The following WDR26 variants were observed in gnomAD, a reference collection of about 807,000 sequenced individuals.
The protein encoded by WDR26 is WD repeat-containing protein 26.
WDR26 carries 5 observed loss-of-function variants against 84.1 expected under a neutral mutation model. That is an observed-to-expected ratio of 0.06 (90% CI 0.03 to 0.13). The LOEUF (loss-of-function observed/expected upper bound fraction) is 0.13, where lower values mean the gene tolerates loss of function less well. Among genes scored for constraint, WDR26 ranks in the 10% least tolerant of loss-of-function variants. The pLI, the probability that WDR26 is intolerant of heterozygous loss-of-function variation, is 1.00. For missense variants in WDR26, 642 were observed against 974.9 expected (o/e 0.66, Z 4.55); for synonymous variants, 415 against 389.6 (o/e 1.07, Z -0.77).
chr1:224,407,583 A>G (rs1194634544), intron 7 of WDR26, among the ~76,000 whole-genome samples: 1 of 149,168 alleles, frequency 6.7e-6, no homozygotes, highest in Non-Finnish European at 1.5e-5. Context: ...ATCTCAATTC[A>G]TTGCACCCTC....
chr1:224,400,289 T>C (rs6659778), intron 9 of WDR26, among the ~76,000 whole-genome samples: 38 of 11,274 alleles, frequency 3.4e-3, no homozygotes, highest in Admixed American at 0.026. Flanking sequence ...TAAAATTCAG[T>C]GTTTTTTTTT....
At chr1:224,400,318 A>G (rs570746877) in intron 9 of WDR26, among the ~76,000 whole-genome samples, 77 of 151,406 alleles carry the variant, frequency 5.1e-4, no homozygotes, top group African/African-American at 1.8e-3. Context: ...CAAAAATCTC[A>G]AAAGAAATTT....
In WDR26 at chr1:224,434,652, G is replaced by T. The variant is rs1674556737; in HGVS notation, c.-247C>A. On this transcript the variant is annotated 5_prime_UTR_variant, in exon 1 of 14. Transcript: ENST00000414423. ...GGCGCCGCGGGGCGGCTGCGGGGGC[G>T]CGGGGCCCGCCGCTGGGCTGAGCCC... 1.5e-5 allele frequency: 11 copies of T among 741,750 alleles called. No homozygotes were observed. In the South Asian group the frequency reaches 5.2e-4, roughly 35 times the overall value. 45.9% of individuals were successfully genotyped at this position (741,750 alleles called of 1,614,324 possible).
intron 12 of WDR26, among the ~76,000 whole-genome samples, chr1:224,396,377 T>C (rs566344886): frequency 1.4e-4 from 21 of 152,170 alleles, no homozygotes; most frequent in Non-Finnish European, 2.4e-4. Flanking sequence ...AGAAGCAGGA[T>C]TGAATAGACC....
At position 224,410,235 on chromosome 1, in the gene WDR26, C is replaced by T. The variant is rs556736570; in HGVS notation, c.1458+1192G>A. ...GGTGGAGGTTGCAGTGAGCCAAGAT[C>T]GCACCATTGCACTCCAGCCTGGGGG... On this transcript the variant is annotated intron_variant, in intron 7 of 13. Transcript: ENST00000414423. Among the ~76,000 whole-genome samples, 21 of 142,784 alleles carry T rather than the reference C, an allele frequency of 1.5e-4. No homozygotes were observed. In the South Asian group the frequency reaches 2.4e-3, roughly 17 times the overall value. 93.7% of individuals were successfully genotyped at this position (142,784 alleles called of 152,430 possible).
intron 8 of WDR26, among the ~76,000 whole-genome samples, chr1:224,402,505 A>C (rs1572171027): frequency 6.6e-6 from 1 of 152,232 alleles, no homozygotes; most frequent in African/African-American, 2.4e-5. Context: ...ATGATTAAAG[A>C]AATCTGAAAA....
At chr1:224,397,287 G>A (rs536511991) in intron 12 of WDR26, among the ~76,000 whole-genome samples, 2 of 151,910 alleles carry the variant, frequency 1.3e-5, no homozygotes, top group South Asian at 2.1e-4. Context: ...CATCATGCCC[G>A]GCCAAAAAAA....
intron 7 of WDR26, among the ~76,000 whole-genome samples, chr1:224,406,469 G>T (rs1476580734): frequency 6.6e-6 from 1 of 152,180 alleles, no homozygotes; most frequent in African/African-American, 2.4e-5. Context: ...GATAAAATTA[G>T]GTTGGAGATT....
In WDR26 at chr1:224,394,051, A is replaced by G. The variant is rs748606723; in HGVS notation, c.2075-38T>C. 4.3e-6 allele frequency: 6 copies of G among 1,383,120 alleles called. No individual in the cohort carries two copies. The Admixed American group carries it at 1.4e-4, about 32-fold the overall frequency. The allele number at this position is 1,383,120 out of a possible 1,614,324, so 85.7% of individuals were successfully genotyped here. The stretch of plus-strand genomic sequence containing the variant: ...TAATTCAGAAAAAAGTTTTACATTA[A>G]TAAAACCAACTAACTGATCTTAAAT... On this transcript the variant is annotated intron_variant, in intron 12 of 13. Transcript: ENST00000414423.
chr1:224,394,145 T>C (rs1673196692), intron 12 of WDR26, 132 bp from the exon 13 acceptor site: 1 of 627,364 alleles, frequency 1.6e-6, no homozygotes, highest in Non-Finnish European at 2.4e-6. Context: ...ATGAATAGTT[T>C]AACATGTTAC....
At chr1:224,404,329 G>A (rs1673496214) in intron 8 of WDR26, 101 bp downstream of exon 8, 1 of 1,374,100 alleles carries the variant, frequency 7.3e-7, no homozygotes. Flanking sequence ...TAGTAATTTA[G>A]GTTGAATGGT....
At chr1:224,408,752 T>C (rs1673652383) in intron 7 of WDR26, among the ~76,000 whole-genome samples, 1 of 152,032 alleles carries the variant, frequency 6.6e-6, no homozygotes, top group African/African-American at 2.4e-5. Context: ...AAGAGGTATT[T>C]CGACTTGTAA....
At chr1:224,392,707 T>A (rs1036449944) in intron 13 of WDR26, among the ~76,000 whole-genome samples, 1 of 152,214 alleles carries the variant, frequency 6.6e-6, no homozygotes. Flanking sequence ...TTGACTCGTG[T>A]GCTCTTCATG....
intron 7 of WDR26, among the ~76,000 whole-genome samples, chr1:224,406,671 C>T (rs1346478057): frequency 6.6e-6 from 1 of 152,102 alleles, no homozygotes; most frequent in Admixed American, 6.5e-5. Flanking sequence ...TGTATTAGAT[C>T]AGCAATATCA....
intron 6 of WDR26, among the ~76,000 whole-genome samples, chr1:224,412,221 A>G (rs953914177): frequency 6.6e-6 from 1 of 152,204 alleles, no homozygotes; most frequent in African/African-American, 2.4e-5. Context: ...GAGATACTCA[A>G]ATGTGATTAA....
chr1:224,407,959 T>TTGGAATG (rs1420442425), intron 7 of WDR26, among the ~76,000 whole-genome samples: 4 of 152,224 alleles, frequency 2.6e-5, no homozygotes, highest in African/African-American at 9.6e-5. Flanking sequence ...CTGTTTCATA[T>TTGGAATG]TGGAATGTAA....
chr1:224,424,431 A>C, intron 4 of WDR26, 87 bp downstream of exon 4: 1 of 1,521,762 alleles, frequency 6.6e-7, no homozygotes, highest in Middle Eastern at 2.1e-4. Context: ...ATTTAGCAAT[A>C]ATCAAGATTT....
chr1:224,397,932 A>C, intron 12 of WDR26, 165 bp downstream of exon 12: 1 of 779,768 alleles, frequency 1.3e-6, no homozygotes, highest in Non-Finnish European at 2.0e-6. Context: ...ATTTGTGATA[A>C]TACAGGGGCT....
intron 5 of WDR26, 25 bp from the exon 6 acceptor site, chr1:224,418,441 A>G (rs755522293): frequency 6.4e-7 from 1 of 1,568,548 alleles, no homozygotes; most frequent in Admixed American, 1.9e-5. Flanking sequence ...ATTTTAAAAA[A>G]GAGAAATAAT....
Sources: allele counts gnomAD v4.1 joint callset (sites outside exome capture counted in the v4.1 genomes callset), GRCh38; gene constraint gnomAD v4.1.1; transcripts MANE v1.5; gene names NCBI Gene and HGNC (gene_info 2026-07-23, HGNC 2026-07-21).